Variants in ETV7 observed in about 807,000 individuals in gnomAD.
ETV7 encodes transcription factor ETV7.
ETV7 carries 43 observed loss-of-function variants against 39.1 expected under a neutral mutation model. That is an observed-to-expected ratio of 1.10 (90% CI 0.86 to 1.42). ETV7 has a LOEUF of 1.42. Among genes scored for constraint, ETV7 ranks in the 40% most tolerant of loss-of-function variants. The pLI is 0.00. For missense variants in ETV7, 432 were observed against 442.3 expected (o/e 0.98, Z 0.21); for synonymous variants, 196 against 176.6 (o/e 1.11, Z -0.87).
chr6:36,371,788 T>C (rs1203882971), intron 4 of ETV7, among the ~76,000 whole-genome samples: 2 of 152,222 alleles, frequency 1.3e-5, no homozygotes, highest in African/African-American at 4.8e-5. Flanking sequence ...TCAAGCCTGT[T>C]CCCTCATCTA....
intron 6 of ETV7, among the ~76,000 whole-genome samples, chr6:36,368,019 G>A (rs779094814): frequency 9.9e-5 from 15 of 152,110 alleles, no homozygotes; most frequent in Non-Finnish European, 2.2e-4. Flanking sequence ...AAGTCCTCCC[G>A]AACTTTAGTC....
intron 7 of ETV7, chr6:36,354,692 A>G: frequency 1.4e-6 from 1 of 697,924 alleles, no homozygotes; most frequent in Non-Finnish European, 2.6e-6. Context: ...CCATTTCTGC[A>G]ATAAAAAAAA....
At chr6:36,359,442 A>G (rs1772419977) in intron 7 of ETV7, among the ~76,000 whole-genome samples, 1 of 150,474 alleles carries the variant, frequency 6.6e-6, no homozygotes, top group African/African-American at 2.5e-5. Context: ...CAAGAGCGAA[A>G]CTCAGTCTCA....
intron 7 of ETV7, among the ~76,000 whole-genome samples, chr6:36,357,535 T>C (rs1480506308): frequency 6.6e-6 from 1 of 152,132 alleles, no homozygotes; most frequent in African/African-American, 2.4e-5. Flanking sequence ...ATCACAAGCC[T>C]GAGTTCTGAC....
intron 2 of ETV7, among the ~76,000 whole-genome samples, chr6:36,379,559 AAAAGAAG>A (rs1332460275): frequency 1.6e-5 from 2 of 126,016 alleles, no homozygotes; most frequent in Non-Finnish European, 1.6e-5. Context: ...TAAAAAAAAA[AAAAGAAG>A]AAGAAGAAGA....
rs139904088 is a variant in ETV7, at chr6:36,376,632, T to C, written c.143-597A>G. ...CTCTACTAAAAATACAAAAATTAGC[T>C]GGGCATGGTGGCATGCACCTGTAGT... On this transcript the variant is annotated intron_variant, in intron 2 of 7. Coordinates refer to ENST00000340181, the MANE Select transcript of ETV7 (RefSeq NM_016135.4). 6.3e-3 allele frequency among the ~76,000 whole-genome samples: 956 copies of C among 152,064 alleles called. 10 individuals carry two copies. Among genetic ancestry groups the C allele is most frequent in the African/African-American group, 0.022 (897 of 41,484 alleles).
At chr6:36,362,982 A>T (rs55939613), downstream of ETV7, among the ~76,000 whole-genome samples, 8,266 of 152,352 alleles carry the variant, frequency 0.054, 287 homozygotes, top group Middle Eastern at 0.092. Context: ...AGGTGGCTTC[A>T]GGAGCGAAGA....
intron 3 of ETV7, among the ~76,000 whole-genome samples, chr6:36,374,043 T>A (rs1467443502): frequency 6.6e-6 from 1 of 152,058 alleles, no homozygotes; most frequent in Non-Finnish European, 1.5e-5. Context: ...GCAGAATGAG[T>A]AGCTGCTTCA....
chr6:36,356,070 A>G lies in ETV7; in HGVS notation c.909-1383T>C, dbSNP rs964106415. 3.3e-5 allele frequency among the ~76,000 whole-genome samples: 5 copies of G among 152,364 alleles called. No homozygotes were observed. The East Asian group carries it at 9.6e-4, about 29-fold the overall frequency. On this transcript the variant is annotated intron_variant, in intron 7 of 7. Transcript: ENST00000339796. ...GACAGAAACCACAACTCAAACCAACATAAGTGAAAAGGAGATGTATTCGAA... is the reference window on the plus strand; with the variant it reads ...GACAGAAACCACAACTCAAACCAACGTAAGTGAAAAGGAGATGTATTCGAA...
chr6:36,354,851 A>C (rs1009369760), intron 7 of ETV7, among the ~76,000 whole-genome samples: 2 of 152,160 alleles, frequency 1.3e-5, no homozygotes, highest in Non-Finnish European at 2.9e-5. Flanking sequence ...TAGTTTTCAG[A>C]GTATATGTCT....
At chr6:36,377,536 T>C (rs957967377) in intron 2 of ETV7, among the ~76,000 whole-genome samples, 13 of 152,178 alleles carry the variant, frequency 8.5e-5, no homozygotes, top group Non-Finnish European at 1.8e-4. Flanking sequence ...GGTTCAGTTC[T>C]ACAGGTAAGA....
chr6:36,362,713 G>A (rs538149775), downstream of ETV7, among the ~76,000 whole-genome samples: 6 of 152,310 alleles, frequency 3.9e-5, no homozygotes, highest in South Asian at 6.2e-4. Context: ...ATGGCCTCAG[G>A]GCTGAGTGCA....
rs148608442 is a variant in ETV7, at chr6:36,375,966, G to A, written c.212C>T (p.Ser71Phe). 1 of 1,613,010 alleles carries A rather than the reference G, an allele frequency of 6.2e-7. No individual in the cohort carries two copies. Among genetic ancestry groups the A allele is most frequent in the African/African-American group, 1.3e-5 (1 of 74,936 alleles). ...HWLRWAEQEYSLPCTAEHGFE... is the reference protein window; with the variant it reads ...HWLRWAEQEYFLPCTAEHGFE... ...CCCGTGCTCCGCGGTGCATGGCAGA[G>A]AGTACTCCTGCTCTGCCCAGCGCAG... Residue 71 changes from serine to phenylalanine, a missense_variant, in exon 3 of 8, where the codon TCT (serine) becomes TTT (phenylalanine). Physicochemically the swap from Ser to Phe is radical, Grantham distance 155. Coordinates refer to ENST00000340181, the MANE Select transcript of ETV7 (RefSeq NM_016135.4).
chr6:36,369,171 A>AGG, intron 5 of ETV7, 100 bp from the exon 6 acceptor site: 7 of 1,351,528 alleles, frequency 5.2e-6, no homozygotes, highest in Non-Finnish European at 7.1e-6. Context: ...CCAGAGCCCT[A>AGG]GGAGCACCAG....
chr6:36,377,132 T>C (rs757136514), intron 2 of ETV7, among the ~76,000 whole-genome samples: 1 of 152,348 alleles, frequency 6.6e-6, no homozygotes, highest in South Asian at 2.1e-4. Context: ...TACGACTTCA[T>C]GAGCCCTTGA....
At chr6:36,362,882 C>A (rs547575144), downstream of ETV7, among the ~76,000 whole-genome samples, 28 of 152,330 alleles carry the variant, frequency 1.8e-4, 1 homozygote, top group East Asian at 5.0e-3. Flanking sequence ...CACCAGCAGG[C>A]AAACACCACT....
chr6:36,366,182 AAG>A, downstream of ETV7: 18 of 1,000,884 alleles, frequency 1.8e-5, no homozygotes, highest in Non-Finnish European at 2.0e-5. Context: ...AAAAAAATAA[AAG>A]AAAGAAACAT....
At chr6:36,374,072 G>T (rs1233491306) in intron 3 of ETV7, among the ~76,000 whole-genome samples, 23 of 152,158 alleles carry the variant, frequency 1.5e-4, no homozygotes, top group Admixed American at 1.4e-3. Context: ...TTGAAGAAAG[G>T]AAAAGCCAGG....
At chr6:36,356,323 C>CAAAAAAAAAAAAAAAAAAAAA (rs59649348) in intron 7 of ETV7, among the ~76,000 whole-genome samples, 12 of 77,672 alleles carry the variant, frequency 1.5e-4, no homozygotes, top group Admixed American at 2.9e-4. Context: ...GACCCTGTCT[C>CAAAAAAAAAAAAAAAAAAAAA]AAAAAAAAAA....
Sources: allele counts gnomAD v4.1 joint callset (sites outside exome capture counted in the v4.1 genomes callset), GRCh38; gene constraint gnomAD v4.1.1; transcripts MANE v1.5; gene names NCBI Gene and HGNC (gene_info 2026-07-23, HGNC 2026-07-21).